The following KCNT2 variants were observed in gnomAD, a reference collection of about 807,000 sequenced individuals.
KCNT2 encodes the protein potassium channel subfamily T member 2.
KCNT2 carries 67 observed loss-of-function variants against 153.8 expected under a neutral mutation model. The ratio of observed to expected loss-of-function variants is 0.44; its 90% CI spans 0.36 to 0.53. The LOEUF (loss-of-function observed/expected upper bound fraction) is 0.53, where lower values mean the gene tolerates loss of function less well. KCNT2 is among the 20% of genes least tolerant of loss of function. The pLI, the probability that KCNT2 is intolerant of heterozygous loss-of-function variation, is 0.00. For missense variants in KCNT2, 975 were observed against 1,354.8 expected (o/e 0.72, Z 4.40); for synonymous variants, 500 against 458.8 (o/e 1.09, Z -1.15).
At chr1:196,408,448 G>A (rs1672015434) in intron 12 of KCNT2, among the ~76,000 whole-genome samples, 1 of 151,488 alleles carries the variant, frequency 6.6e-6, no homozygotes, top group Admixed American at 6.6e-5. Flanking sequence ...TGATTTCATT[G>A]CACTCATGTA....
intron 22 of KCNT2, among the ~76,000 whole-genome samples, chr1:196,291,821 T>C (rs74133659): frequency 0.036 from 5,473 of 152,284 alleles, 317 homozygotes; most frequent in African/African-American, 0.12. Context: ...TGGTAGCAAC[T>C]GGCCAGAATT....
At chr1:196,509,243 G>C (rs60495441) in intron 1 of KCNT2, among the ~76,000 whole-genome samples, 1 of 148,578 alleles carries the variant, frequency 6.7e-6, no homozygotes, top group Non-Finnish European at 1.5e-5. Context: ...CCCTCCAGCC[G>C]GGGCAAAAAA....
intron 19 of KCNT2, 40 bp downstream of exon 19, chr1:196,326,677 A>T (rs368347507): frequency 2.0e-5 from 25 of 1,244,284 alleles, no homozygotes; most frequent in Admixed American, 2.8e-5. Context: ...ATACTATTAA[A>T]AACAGTTTAT....
intron 14 of KCNT2, among the ~76,000 whole-genome samples, chr1:196,363,637 C>T (rs1667804642): frequency 6.6e-6 from 1 of 152,134 alleles, no homozygotes. Context: ...AGTTCACCCT[C>T]CTCATTAGCT....
In KCNT2 at chr1:196,354,675, A is replaced by G. The variant is rs368603232; in HGVS notation, c.1404-12447T>C. ...ATATTCTATTTTGAAGAAGATAAGA[A>G]AATGTATTAATTCACTATATTGATT... On this transcript the variant is annotated intron_variant, in intron 14 of 27. Transcript: ENST00000294725. 5.3e-5 allele frequency among the ~76,000 whole-genome samples: 8 copies of G among 151,880 alleles called. No individual in the cohort carries two copies. The East Asian group carries it at 1.4e-3, about 26-fold the overall frequency.
rs764219402 is a variant in KCNT2, at chr1:196,285,748, T to C, written c.2606A>G (p.Glu869Gly). 6.2e-7 allele frequency: 1 copy of C among 1,606,788 alleles called. No homozygotes were observed. Among genetic ancestry groups the C allele is most frequent in the Non-Finnish European group, 8.5e-7 (1 of 1,173,798 alleles). Reference sequence around the variant, plus strand: ...CATAAAGGCCAAGTTAGAGCCTCTCTCCCGTTCTTTCTGTTCAGAAATTTG... The same window carrying C: ...CATAAAGGCCAAGTTAGAGCCTCTCCCCCGTTCTTTCTGTTCAGAAATTTG... ...ALSKLEKKER[E>G]RGSNLAFMFR... The change falls in exon 23 of 28, where the codon GAG (glutamate) becomes GGG (glycine). Residue 869 changes from glutamate to glycine, a missense_variant. By Grantham distance (98) the Glu-to-Gly change is moderately conservative (BLOSUM62 -2). Around this residue, in one of 6 missense-constraint regions of KCNT2, gnomAD observed 66 missense variants for 147.9 expected, o/e 0.45. Transcript: ENST00000294725.
In KCNT2 at chr1:196,406,592, CAA is replaced by C. The variant is rs11357087; in HGVS notation, c.1186-7923_1186-7922del. On this transcript the variant is annotated intron_variant, in intron 12 of 27. Coordinates refer to ENST00000294725, the MANE Select transcript of KCNT2 (RefSeq NM_198503.5). ...CTTCATGAACAATCTACATCAAAGT[CAA>C]AAAAAAAAAAAAAATTAAAAGAAGA... Among the ~76,000 whole-genome samples the C allele has an allele frequency of 4.8e-3, 650 of 135,398 alleles. 4 individuals carry two copies. Among genetic ancestry groups the C allele is most frequent in the South Asian group, 0.025 (113 of 4,432 alleles). The allele number at this position is 135,398 out of a possible 152,430, so 88.8% of individuals were successfully genotyped here. A position where few individuals can be genotyped will look rare whatever the true frequency, so the allele number is the denominator to read the frequency against.
chr1:196,250,748 T>A (rs552363177), intron 26 of KCNT2, among the ~76,000 whole-genome samples: 90 of 152,036 alleles, frequency 5.9e-4, no homozygotes, highest in Admixed American at 2.6e-3. Context: ...ATAACCAGAA[T>A]GTGTAAGGAG....
intron 16 of KCNT2, 83 bp from the exon 17 acceptor site, chr1:196,334,143 T>C (rs750811801): frequency 2.0e-5 from 15 of 768,546 alleles, no homozygotes; most frequent in Non-Finnish European, 2.8e-5. Flanking sequence ...ATATGAAATA[T>C]AATAAACACA....
intron 22 of KCNT2, among the ~76,000 whole-genome samples, chr1:196,289,972 T>C (rs1323333013): frequency 6.6e-6 from 1 of 152,090 alleles, no homozygotes; most frequent in Non-Finnish European, 1.5e-5. Flanking sequence ...ACATGTGCCT[T>C]TCTTGGAAGA....
intron 17 of KCNT2, among the ~76,000 whole-genome samples, chr1:196,332,425 T>C (rs1487056648): frequency 6.6e-6 from 1 of 152,160 alleles, no homozygotes; most frequent in African/African-American, 2.4e-5. Flanking sequence ...TGACCATTAA[T>C]GTCTTTGAAG....
chr1:196,273,105 C>A, intron 25 of KCNT2, among the ~76,000 whole-genome samples: 1 of 151,798 alleles, frequency 6.6e-6, no homozygotes, highest in East Asian at 1.9e-4. Context: ...GGTTCTCCTG[C>A]ATAGTAAAGG....
chr1:196,515,854 G>T (rs1682004740), intron 1 of KCNT2, among the ~76,000 whole-genome samples: 1 of 152,130 alleles, frequency 6.6e-6, no homozygotes, highest in African/African-American at 2.4e-5. Context: ...CCAACCCAGG[G>T]AAGTGGTGAG....
intron 14 of KCNT2, among the ~76,000 whole-genome samples, chr1:196,343,905 G>A (rs1465136089): frequency 6.6e-6 from 1 of 152,042 alleles, no homozygotes. Context: ...TAACCTTCCC[G>A]AGTAGCTGGG....
intron 5 of KCNT2, among the ~76,000 whole-genome samples, 189 bp downstream of exon 5, chr1:196,478,990 A>C (rs2148696765): frequency 6.6e-6 from 1 of 152,320 alleles, no homozygotes; most frequent in Middle Eastern, 3.4e-3. Context: ...CTAGCAAAGC[A>C]TTTGTAAGTC....
intron 1 of KCNT2, among the ~76,000 whole-genome samples, chr1:196,545,719 A>T (rs1049719519): frequency 3.9e-5 from 2 of 51,422 alleles, no homozygotes; most frequent in African/African-American, 7.7e-5. Flanking sequence ...TCTCCATCCC[A>T]CCCACCCCCC....
At chr1:196,356,321 C>T (rs111653808) in intron 14 of KCNT2, among the ~76,000 whole-genome samples, 1 of 151,802 alleles carries the variant, frequency 6.6e-6, no homozygotes, top group Non-Finnish European at 1.5e-5. Context: ...GTCTATTAAT[C>T]AGACTATTGG....
chr1:196,281,458 A>C (rs954474311), intron 24 of KCNT2, among the ~76,000 whole-genome samples: 4 of 152,180 alleles, frequency 2.6e-5, no homozygotes, highest in African/African-American at 9.7e-5. Context: ...CCAAATGCGA[A>C]GTGCAAAAGA....
intron 14 of KCNT2, among the ~76,000 whole-genome samples, chr1:196,367,217 G>A (rs1668115247): frequency 6.6e-6 from 1 of 151,812 alleles, no homozygotes. Flanking sequence ...TTAAAATTCA[G>A]GTAAAGAACT....
Sources: allele counts gnomAD v4.1 joint callset (sites outside exome capture counted in the v4.1 genomes callset), GRCh38; gene constraint gnomAD v4.1.1; regional missense constraint gnomAD v4.1.1; transcripts MANE v1.5; gene names NCBI Gene and HGNC (gene_info 2026-07-23, HGNC 2026-07-21).